Variants in GOT1L1 observed in about 807,000 individuals in gnomAD.
GOT1L1 encodes aspartate aminotransferase, cytoplasmic 2.
Under a neutral mutation model 43.6 loss-of-function variants are expected in GOT1L1, and 38 were observed. That is an observed-to-expected ratio of 0.87 (90% CI 0.67 to 1.14). GOT1L1 has a LOEUF of 1.14. GOT1L1 is among the 50% of genes most tolerant of loss of function. The probability of loss-of-function intolerance (pLI) is 0.00; values close to 1 mark genes in which losing one functional copy is unlikely to be tolerated. For synonymous variants in GOT1L1, 183 were observed against 187.2 expected (o/e 0.98, Z 0.18); for missense variants, 482 against 504.0 (o/e 0.96, Z 0.42).
intron 1 of GOT1L1, 94 bp downstream of exon 1, chr8:37,939,821 G>A: frequency 8.0e-7 from 1 of 1,256,028 alleles, no homozygotes; most frequent in Non-Finnish European, 1.1e-6. Flanking sequence ...CAGAAGCTTG[G>A]GCTGCACCCC....
At chr8:37,937,420 T>C in intron 3 of GOT1L1, 34 bp from the exon 4 acceptor site, 1 of 1,411,308 alleles carries the variant, frequency 7.1e-7, no homozygotes, top group Non-Finnish European at 9.8e-7. Context: ...AGCTGGTACA[T>C]GGGAAACAGA....
At position 37,940,025 on chromosome 8, in the gene GOT1L1, G is replaced by C. The variant is rs983604805; in HGVS notation, c.5C>G (p.Pro2Arg). Reference protein sequence around the residue: MPTLSVFMDVPL... With the variant: MRTLSVFMDVPL... ...CACATCCATGAACACTGAAAGGGTG[G>C]GCATAACTGAAACGAAACTGGAGCC... Residue 2 changes from proline to arginine, a missense_variant, in exon 1 of 9, where the codon CCC (proline) becomes CGC (arginine). Physicochemically the swap from Pro to Arg is moderately radical, Grantham distance 103. Coordinates refer to ENST00000307599, the MANE Select transcript of GOT1L1 (RefSeq NM_152413.3). The C allele has an allele frequency of 1.2e-6, 2 of 1,612,654 alleles. No individual in the cohort carries two copies. Among genetic ancestry groups the C allele is most frequent in the Non-Finnish European group, 1.7e-6 (2 of 1,179,240 alleles).
rs371793826 is a variant in GOT1L1 at position 37,935,911 on chromosome 8, C to T, written c.764-42G>A. On this transcript the variant is annotated intron_variant, in intron 6 of 8. Transcript: ENST00000307599. Reference sequence around the variant, plus strand: ...ACAGCCTCAGCCTCAGCCCCTTCCTCCACTCCCAAGGCCTTCACCTAGATC... The same window carrying T: ...ACAGCCTCAGCCTCAGCCCCTTCCTTCACTCCCAAGGCCTTCACCTAGATC... The T allele has an allele frequency of 5.0e-6, 8 of 1,594,694 alleles. No individual in the cohort carries two copies. In the African/African-American group the frequency reaches 1.1e-4, roughly 22 times the overall value.
chr8:37,938,937 G>A, intron 1 of GOT1L1, 56 bp from the exon 2 acceptor site: 1 of 1,526,156 alleles, frequency 6.6e-7, no homozygotes, highest in Non-Finnish European at 9.0e-7. Context: ...CCCCAGGGCT[G>A]AGCTCTGCAG....
At chr8:37,937,611 GT>G (rs763709316) in intron 3 of GOT1L1, 26 bp downstream of exon 3, 2 of 1,441,974 alleles carry the variant, frequency 1.4e-6, no homozygotes, top group Non-Finnish European at 1.9e-6. Flanking sequence ...GGGGATTGCT[GT>G]TCCCCTCATC....
At chr8:37,939,431 A>AATATATATAT (rs1188997870) in intron 1 of GOT1L1, among the ~76,000 whole-genome samples, 119 of 41,552 alleles carry the variant, frequency 2.9e-3, no homozygotes, top group Non-Finnish European at 4.0e-3. Context: ...AAAAAAAAAA[A>AATATATATAT]ATATATATAT....
intron 6 of GOT1L1, among the ~76,000 whole-genome samples, chr8:37,936,091 G>A (rs1347421269): frequency 6.6e-6 from 1 of 152,170 alleles, no homozygotes. Context: ...GAATTTGAAA[G>A]ATCACTAAGT....
At chr8:37,934,597 T>A in intron 8 of GOT1L1, 111 bp from the exon 9 acceptor site, 1 of 840,446 alleles carries the variant, frequency 1.2e-6, no homozygotes, top group Non-Finnish European at 1.9e-6. Flanking sequence ...TGAGATGGAG[T>A]TTTGCTCTTG....
rs970903555 is a variant in GOT1L1 at position 37,938,743 on chromosome 8, G to A, written c.254C>T (p.Ala85Val). The stretch of plus-strand genomic sequence containing the variant: ...TTGGCTGTGCTTTCCAAAGAGGAGT[G>A]CTAGAGAGGCCTGGATGAATGATTT... Reference protein sequence around the residue: ...GLKSFIQASLALLFGKHSQAI... With the variant: ...GLKSFIQASLVLLFGKHSQAI... The change falls in exon 2 of 9, where the codon GCA (alanine) becomes GTA (valine). Residue 85 changes from alanine to valine, a missense_variant. Transcript: ENST00000307599. 2.4e-5 allele frequency: 38 copies of A among 1,603,216 alleles called. No individual in the cohort carries two copies. Among genetic ancestry groups the A allele is most frequent in the Non-Finnish European group, 2.7e-5 (32 of 1,175,178 alleles).
chr8:37,938,699 C>T lies in GOT1L1; in HGVS notation c.297+1G>A. The T allele has an allele frequency of 6.3e-7, 1 of 1,576,194 alleles. No individual in the cohort carries two copies. Among genetic ancestry groups the T allele is most frequent in the Non-Finnish European group, 8.6e-7 (1 of 1,159,340 alleles). The stretch of plus-strand genomic sequence containing the variant: ...AGCCAGGGGAGGGCCCACCTTCTCA[C>T]CCTGTTCTCCACAATGGCTTGGCTG... On this transcript the variant is annotated splice_donor_variant, in intron 2 of 8. Coordinates refer to ENST00000307599, the MANE Select transcript of GOT1L1 (RefSeq NM_152413.3). LOFTEE classifies it high-confidence loss of function.
In GOT1L1 at chr8:37,936,765, C is replaced by T; in HGVS notation, c.718G>A (p.Glu240Lys). The T allele has an allele frequency of 1.2e-6, 2 of 1,612,902 alleles. No homozygotes were observed. The highest frequency in any genetic ancestry group is 1.1e-5 in the South Asian group (1 of 91,032). Residue 240 changes from glutamate (E) to lysine (K), a missense_variant, in exon 6 of 9, where the codon GAG (glutamate) becomes AAG (lysine). Physicochemically the swap from Glu to Lys is moderately conservative, Grantham distance 56. Transcript: ENST00000307599. Reference protein sequence around the residue: ...ILQYFVSQGFEFFCSQSLSKN... With the variant: ...ILQYFVSQGFKFFCSQSLSKN... ...GACAGAGACTGGCTGCAGAAGAACT[C>T]AAAGCCTTGAGACACAAAGTATTGT... is the stretch of plus-strand genomic sequence containing the variant.
chr8:37,938,912 A>G, intron 1 of GOT1L1, 31 bp from the exon 2 acceptor site: 2 of 1,608,918 alleles, frequency 1.2e-6, no homozygotes, highest in Middle Eastern at 1.7e-4. Context: ...GGAGCTCCAG[A>G]TGCCTGGTTT....
rs771358802 is a variant in GOT1L1, at chr8:37,940,038, C to T, written c.-9G>A. 12 of 1,610,338 alleles carry T rather than the reference C, an allele frequency of 7.5e-6. No individual in the cohort carries two copies. The highest frequency in any genetic ancestry group is 6.6e-5 in the South Asian group (6 of 90,460). The stretch of plus-strand genomic sequence containing the variant: ...ACTGAAAGGGTGGGCATAACTGAAA[C>T]GAAACTGGAGCCAAGACTATGTGTC... On this transcript the variant is annotated 5_prime_UTR_variant, in exon 1 of 9. Coordinates refer to ENST00000307599, the MANE Select transcript of GOT1L1 (RefSeq NM_152413.3).
rs1405220548 is a variant in GOT1L1 at position 37,937,266 on chromosome 8, G to T, written c.519+11C>A. On this transcript the variant is annotated intron_variant, in intron 4 of 8. Coordinates refer to ENST00000307599, the MANE Select transcript of GOT1L1 (RefSeq NM_152413.3). ...GCTCTAGGGAGGAGTTTCTGAGCGGGGCCCCTCTACCTCCACCACATTGAG... is the reference window on the plus strand; with the variant it reads ...GCTCTAGGGAGGAGTTTCTGAGCGGTGCCCCTCTACCTCCACCACATTGAG... The T allele has an allele frequency of 1.7e-5, 26 of 1,554,790 alleles. 1 individual carries two copies. The highest frequency in any genetic ancestry group is 2.0e-5 in the Non-Finnish European group (23 of 1,145,158).
At chr8:37,936,669 G>A (rs1807763982) in intron 6 of GOT1L1, 51 bp downstream of exon 6, 2 of 1,502,438 alleles carry the variant, frequency 1.3e-6, no homozygotes, top group East Asian at 2.3e-5. Context: ...TGTGCTGTGA[G>A]CGCAGCACCA....
rs1430070920 is a variant in GOT1L1 at position 37,939,432 on chromosome 8, ATATATATAT to A, written c.115+474_115+482del. Among the ~76,000 whole-genome samples, 45 of 65,484 alleles carry A rather than the reference ATATATATAT, an allele frequency of 6.9e-4. 1 individual carries two copies. Among genetic ancestry groups the A allele is most frequent in the African/African-American group, 2.2e-3 (35 of 15,996 alleles). The allele number at this position is 65,484 out of a possible 152,430, so 43.0% of individuals were successfully genotyped here. A position where few individuals can be genotyped will look rare whatever the true frequency, so the allele number is the denominator to read the frequency against. ...CTGTCTCAAGAAAAAAAAAAAAAAA[ATATATATAT>A]ATATATATATATATATATATATATA... On this transcript the variant is annotated intron_variant, in intron 1 of 8. Transcript: ENST00000307599.
Position 37,935,557 on chromosome 8 carries a change from T to C in GOT1L1, c.929+147A>G, listed in dbSNP as rs1019770467. ...GCATAGCCACCGCCATTGGTACACA[T>C]CAGGTCCTTAGTAAATGTTGATGAA... On this transcript the variant is annotated intron_variant, in intron 7 of 8. Coordinates refer to ENST00000307599, the MANE Select transcript of GOT1L1 (RefSeq NM_152413.3). 9.0e-6 allele frequency: 7 copies of C among 779,172 alleles called. No individual in the cohort carries two copies. In the South Asian group the frequency reaches 1.0e-4, roughly 12 times the overall value. 48.3% of individuals were successfully genotyped at this position (779,172 alleles called of 1,614,324 possible).
At chr8:37,934,894 G>T in intron 8 of GOT1L1, 179 bp downstream of exon 8, 1 of 683,352 alleles carries the variant, frequency 1.5e-6, no homozygotes, top group Non-Finnish European at 2.4e-6. Context: ...GGTTTATGAA[G>T]GATAGGGAGT....
At chr8:37,934,994 T>C (rs1253259993) in intron 8 of GOT1L1, 79 bp downstream of exon 8, 3 of 1,494,160 alleles carry the variant, frequency 2.0e-6, no homozygotes, top group East Asian at 4.6e-5. Context: ...TAGGAACTGG[T>C]CACCTAGTCA....
Sources: allele counts gnomAD v4.1 joint callset (sites outside exome capture counted in the v4.1 genomes callset), GRCh38; gene constraint gnomAD v4.1.1; transcripts MANE v1.5; gene names NCBI Gene and HGNC (gene_info 2026-07-23, HGNC 2026-07-21).